Variants in SGCD observed in about 807,000 individuals in gnomAD.
The protein encoded by SGCD is delta-sarcoglycan.
A neutral mutation model predicts 36.6 loss-of-function variants in SGCD; 18 were observed. The observed-to-expected ratio is 0.49, with a 90% confidence interval of 0.34 to 0.73. SGCD has a LOEUF of 0.73. SGCD is among the 30% of genes least tolerant of loss of function. The probability of loss-of-function intolerance (pLI) is 0.01; values close to 1 mark genes in which losing one functional copy is unlikely to be tolerated. For synonymous variants in SGCD, 133 were observed against 130.6 expected (o/e 1.02, Z -0.12); for missense variants, 387 against 346.7 (o/e 1.12, Z -0.92).
intron 1 of SGCD, among the ~76,000 whole-genome samples, chr5:155,910,078 G>A (rs1188269838): frequency 1.3e-5 from 2 of 151,784 alleles, no homozygotes; most frequent in South Asian, 2.1e-4. Flanking sequence ...ATGAATTTGT[G>A]GTTTTTAAAT....
chr5:156,373,611 T>G (rs1442162635), intron 3 of SGCD, among the ~76,000 whole-genome samples: 2 of 152,228 alleles, frequency 1.3e-5, no homozygotes, highest in Non-Finnish European at 2.9e-5. Context: ...CCAAACTGCC[T>G]TACATTTCCA....
the SGCD span, among the ~76,000 whole-genome samples, chr5:155,864,014 G>T: frequency 1.3e-5 from 2 of 152,242 alleles, no homozygotes; most frequent in African/African-American, 4.8e-5. Context: ...GAATGGGAGT[G>T]GGAGGCTGGT....
At chr5:156,622,680 T>A (rs111295789) in intron 6 of SGCD, among the ~76,000 whole-genome samples, 1 of 152,196 alleles carries the variant, frequency 6.6e-6, no homozygotes, top group Non-Finnish European at 1.5e-5. Flanking sequence ...AGGACAATCA[T>A]GTAGAAGTAT....
At chr5:155,751,939 A>G in the SGCD span, among the ~76,000 whole-genome samples, 1 of 152,156 alleles carries the variant, frequency 6.6e-6, no homozygotes, top group Non-Finnish European at 1.5e-5. Context: ...TGGACAAACC[A>G]CATGACTTCT....
At chr5:156,205,746 T>A (rs1764260102) in intron 3 of SGCD, among the ~76,000 whole-genome samples, 1 of 151,968 alleles carries the variant, frequency 6.6e-6, no homozygotes, top group South Asian at 2.1e-4. Context: ...CAGTACCTTG[T>A]TAACATCAAT....
At chr5:156,094,959 C>T (rs1339773989) in intron 1 of SGCD, among the ~76,000 whole-genome samples, 2 of 152,136 alleles carry the variant, frequency 1.3e-5, no homozygotes, top group Non-Finnish European at 2.9e-5. Context: ...CAGGTTCACA[C>T]CACTGCACTC....
chr5:155,962,803 A>G (rs553556416), intron 1 of SGCD, among the ~76,000 whole-genome samples: 35 of 152,236 alleles, frequency 2.3e-4, no homozygotes, highest in African/African-American at 7.7e-4. Flanking sequence ...CTGCAAGGCA[A>G]TGTTTTAAGA....
chr5:156,524,180 C>A, intron 4 of SGCD, among the ~76,000 whole-genome samples: 1 of 35,348 alleles, frequency 2.8e-5, no homozygotes, highest in Admixed American at 4.8e-4. Context: ...TTATATAGGT[C>A]TTACTATATA....
intron 3 of SGCD, among the ~76,000 whole-genome samples, chr5:156,438,209 G>A (rs1054090803): frequency 1.3e-5 from 2 of 152,140 alleles, no homozygotes; most frequent in African/African-American, 4.8e-5. Flanking sequence ...GCTGTGAACT[G>A]GCCTCTAAAA....
rs562927185 is a variant in SGCD at position 156,624,746 on chromosome 5, C to T, written c.503-22718C>T. 1.2e-4 allele frequency among the ~76,000 whole-genome samples: 18 copies of T among 152,298 alleles called. No homozygotes were observed. The East Asian group carries it at 3.5e-3, about 29-fold the overall frequency. On this transcript the variant is annotated intron_variant, in intron 6 of 8. Coordinates refer to ENST00000337851, the MANE Select transcript of SGCD (RefSeq NM_000337.6). The stretch of plus-strand genomic sequence containing the variant: ...TTTTTTAAAAAATGATCACTTTCCT[C>T]ATTCTCTCCTCATCCTTTTTCTACC...
intron 1 of SGCD, among the ~76,000 whole-genome samples, chr5:155,934,095 C>A (rs1757150695): frequency 6.6e-6 from 1 of 152,144 alleles, no homozygotes; most frequent in Non-Finnish European, 1.5e-5. Flanking sequence ...CAAGCTTTGG[C>A]AGAATTGGAT....
intron 7 of SGCD, among the ~76,000 whole-genome samples, chr5:156,672,153 T>A (rs978137478): frequency 4.6e-5 from 7 of 152,232 alleles, no homozygotes; most frequent in Non-Finnish European, 8.8e-5. Flanking sequence ...GCTGGTCATT[T>A]TCCCCAGAGA....
intron 3 of SGCD, among the ~76,000 whole-genome samples, chr5:156,287,252 A>C (rs1391608140): frequency 6.6e-6 from 1 of 152,170 alleles, no homozygotes; most frequent in East Asian, 1.9e-4. Flanking sequence ...CTCCACTCAT[A>C]GGTATTCTTA....
chr5:155,996,863 G>GGATGGATGGATAGATAGATAGATA (rs367879360), intron 1 of SGCD, among the ~76,000 whole-genome samples: 2 of 133,358 alleles, frequency 1.5e-5, no homozygotes, highest in African/African-American at 5.3e-5. Flanking sequence ...CTGGATGGAT[G>GGATGGATGGATAGATAGATAGATA]GATAGATAGA....
chr5:156,698,840 T>C (rs200520812), intron 7 of SGCD, among the ~76,000 whole-genome samples: 7 of 140,088 alleles, frequency 5.0e-5, no homozygotes, highest in African/African-American at 1.0e-4. Flanking sequence ...TAAATTAAAA[T>C]ACACACACAC....
intron 3 of SGCD, among the ~76,000 whole-genome samples, chr5:156,150,163 C>G (rs1762801103): frequency 6.6e-6 from 1 of 152,200 alleles, no homozygotes; most frequent in Non-Finnish European, 1.5e-5. Flanking sequence ...CCCACCACCA[C>G]TCTCTCAGTT....
the SGCD span, among the ~76,000 whole-genome samples, chr5:155,759,804 T>C: frequency 6.6e-6 from 1 of 152,226 alleles, no homozygotes; most frequent in African/African-American, 2.4e-5. Flanking sequence ...TAGCTCTGTA[T>C]TGACCTCCAA....
chr5:156,510,874 G>A (rs182744348), intron 4 of SGCD, among the ~76,000 whole-genome samples: 2 of 152,320 alleles, frequency 1.3e-5, no homozygotes, highest in East Asian at 1.9e-4. Flanking sequence ...ATTAGGAAAT[G>A]TGTTTTAGAA....
intron 1 of SGCD, among the ~76,000 whole-genome samples, chr5:156,111,775 G>A (rs1761792078): frequency 6.8e-6 from 1 of 146,488 alleles, no homozygotes. Flanking sequence ...AGTGATAGAG[G>A]TGTATTTTTT....
Sources: allele counts gnomAD v4.1 joint callset (sites outside exome capture counted in the v4.1 genomes callset), GRCh38; gene constraint gnomAD v4.1.1; transcripts MANE v1.5; gene names NCBI Gene and HGNC (gene_info 2026-07-23, HGNC 2026-07-21).